SCAI: variants seen among roughly 807,000 people sequenced by gnomAD.
SCAI encodes the protein suppressor of cancer cell invasion, also known as protein SCAI.
SCAI carries 24 observed loss-of-function variants against 92.2 expected under a neutral mutation model. That is an observed-to-expected ratio of 0.26 (90% CI 0.19 to 0.37). The LOEUF is 0.37. Among genes scored for constraint, SCAI ranks in the 10% least tolerant of loss-of-function variants. The pLI is 1.00. For missense variants in SCAI, 450 were observed against 736.2 expected, an observed-to-expected ratio of 0.61 and a Z score of 4.50; for synonymous variants, 261 against 258.6, an observed-to-expected ratio of 1.01 and a Z score of -0.09.
intron 17 of SCAI, among the ~76,000 whole-genome samples, chr9:124,960,858 G>A (rs1831421870): frequency 6.6e-6 from 1 of 152,168 alleles, no homozygotes. Context: ...AGTGGCTCAT[G>A]CCTATTACCC....
Position 124,976,160 on chromosome 9 carries a change from T to C in SCAI, c.1353A>G (p.Pro451=), listed in dbSNP as rs182718956. ...CTGTAGGAGAAAGCAAGCAGACTAG[T>C]GGCTGTCCAAACAAGTTTGTGAAAT... ...YKNFTNLFGQ[P]LVCLLSPTAY... is the part of the protein sequence containing the mutation. Residue 451 remains proline (P), a synonymous_variant, in exon 15 of 18, where the codon CCA becomes CCG. Transcript: ENST00000336505. The C allele has an allele frequency of 2.3e-4, 373 of 1,612,294 alleles. 3 individuals carry two copies. In the African/African-American group the frequency reaches 4.4e-3, roughly 19 times the overall value.
chr9:124,972,212 T>C (rs1038362981), intron 15 of SCAI, among the ~76,000 whole-genome samples: 2 of 152,158 alleles, frequency 1.3e-5, no homozygotes, highest in Non-Finnish European at 2.9e-5. Context: ...TTGCTCTCTA[T>C]GAGCTGCTCT....
At chr9:125,030,641 CT>C (rs1833056563) in intron 3 of SCAI, among the ~76,000 whole-genome samples, 1 of 152,152 alleles carries the variant, frequency 6.6e-6, no homozygotes, top group African/African-American at 2.4e-5. Flanking sequence ...TAGCAAGTAA[CT>C]GTTACTGAAG....
At chr9:124,996,834 T>C (rs1191652758) in intron 13 of SCAI, among the ~76,000 whole-genome samples, 1 of 152,042 alleles carries the variant, frequency 6.6e-6, no homozygotes, top group Non-Finnish European at 1.5e-5. Flanking sequence ...TTTCACCATG[T>C]TGCCAGGCTG....
chr9:125,010,555 C>T (rs1459641936), intron 9 of SCAI, among the ~76,000 whole-genome samples: 4 of 152,242 alleles, frequency 2.6e-5, no homozygotes, highest in East Asian at 1.9e-4. Flanking sequence ...GAGCCTACCA[C>T]GGCTCAAGGA....
intron 2 of SCAI, among the ~76,000 whole-genome samples, chr9:125,066,617 G>A (rs534335788): frequency 1.3e-5 from 2 of 151,956 alleles, no homozygotes; most frequent in South Asian, 4.2e-4. Flanking sequence ...CACCGCGCCC[G>A]GCTAATTTTT....
rs551342680 is a variant in SCAI at position 125,021,713 on chromosome 9, A to T, written c.513-944T>A. On this transcript the variant is annotated intron_variant, in intron 6 of 17. Transcript: ENST00000336505. Reference sequence around the variant, plus strand: ...CAACATTTTCCATAATAAAATTTTTAAAAAATTCTTTCGACCCATGAGTTA... The same window carrying T: ...CAACATTTTCCATAATAAAATTTTTTAAAAATTCTTTCGACCCATGAGTTA... Among the ~76,000 whole-genome samples, 19 of 152,284 alleles carry T rather than the reference A, an allele frequency of 1.2e-4. No individual in the cohort carries two copies. In the South Asian group the frequency reaches 2.5e-3, roughly 20 times the overall value.
intron 15 of SCAI, chr9:124,975,385 C>T: frequency 2.2e-6 from 1 of 456,572 alleles, no homozygotes; most frequent in Non-Finnish European, 4.4e-6. Context: ...AGAGAGACAT[C>T]AGCACTATTC....
intron 2 of SCAI, among the ~76,000 whole-genome samples, chr9:125,135,253 T>C (rs1835496961): frequency 6.6e-6 from 1 of 152,246 alleles, no homozygotes; most frequent in Non-Finnish European, 1.5e-5. Flanking sequence ...TTTCTTAAAC[T>C]GTCTTACAGT....
chr9:125,104,957 C>CA (rs201424630), intron 2 of SCAI, among the ~76,000 whole-genome samples: 7,028 of 95,680 alleles, frequency 0.073, 529 homozygotes, highest in African/African-American at 0.22. Context: ...GACCCTGTCT[C>CA]AAAAAAAAAA....
intron 14 of SCAI, among the ~76,000 whole-genome samples, chr9:124,984,467 A>G (rs1447017414): frequency 2.0e-5 from 3 of 152,212 alleles, no homozygotes; most frequent in Non-Finnish European, 4.4e-5. Flanking sequence ...ATTCAGGTGA[A>G]TGATGATGGT....
intron 9 of SCAI, among the ~76,000 whole-genome samples, chr9:125,015,193 A>C (rs1265157583): frequency 6.6e-6 from 1 of 152,232 alleles, no homozygotes; most frequent in Non-Finnish European, 1.5e-5. Context: ...GGATCTAATT[A>C]AACTAAAGAG....
At chr9:125,045,948 C>A (rs538245290) in intron 3 of SCAI, among the ~76,000 whole-genome samples, 1 of 151,760 alleles carries the variant, frequency 6.6e-6, no homozygotes, top group Non-Finnish European at 1.5e-5. Context: ...CACTTTTACA[C>A]TGCTGGTGGG....
intron 2 of SCAI, among the ~76,000 whole-genome samples, chr9:125,101,150 A>C (rs1368978985): frequency 6.6e-6 from 1 of 152,214 alleles, no homozygotes; most frequent in Non-Finnish European, 1.5e-5. Flanking sequence ...GACATACTGA[A>C]GAACCAGTTC....
At chr9:125,139,521 T>A (rs933133339) in intron 2 of SCAI, among the ~76,000 whole-genome samples, 99 of 152,328 alleles carry the variant, frequency 6.5e-4, no homozygotes, top group Non-Finnish European at 9.1e-4. Flanking sequence ...CATTCAGCAA[T>A]TAATTCATCT....
At position 125,046,196 on chromosome 9, in the gene SCAI, G is replaced by GATAGAT. The variant is rs1554784575; in HGVS notation, c.230+9679_230+9680insATCTAT. On this transcript the variant is annotated intron_variant, in intron 3 of 17. Coordinates refer to ENST00000336505, the MANE Select transcript of SCAI (RefSeq NM_001144877.3). ...CAACAAGTGAATAAAGAAATTGTGA[G>GATAGAT]ATATATATATATATATATATATATA... Among the ~76,000 whole-genome samples, 74 of 51,880 alleles carry GATAGAT rather than the reference G, an allele frequency of 1.4e-3. 5 individuals carry two copies. The highest frequency in any genetic ancestry group is 8.2e-3 in the Admixed American group (36 of 4,404). 34.0% of individuals were successfully genotyped at this position (51,880 alleles called of 152,430 possible).
At chr9:124,994,263 G>C (rs1832193607) in intron 14 of SCAI, among the ~76,000 whole-genome samples, 1 of 152,124 alleles carries the variant, frequency 6.6e-6, no homozygotes, top group Non-Finnish European at 1.5e-5. Flanking sequence ...TCGAACTCCT[G>C]ACCTCAGGTA....
intron 14 of SCAI, among the ~76,000 whole-genome samples, chr9:124,992,154 G>A (rs1389173211): frequency 6.6e-6 from 1 of 152,150 alleles, no homozygotes; most frequent in Non-Finnish European, 1.5e-5. Context: ...GCTGGTTCAA[G>A]TGATCCTCTT....
chr9:125,106,096 C>CAAAAA (rs1168643448), intron 2 of SCAI, among the ~76,000 whole-genome samples: 4 of 18,782 alleles, frequency 2.1e-4, no homozygotes, highest in African/African-American at 6.6e-4. Context: ...GACTCCATCT[C>CAAAAA]AAAAAAAAAA....
Sources: allele counts gnomAD v4.1 joint callset (sites outside exome capture counted in the v4.1 genomes callset), GRCh38; gene constraint gnomAD v4.1.1; transcripts MANE v1.5; gene names NCBI Gene and HGNC (gene_info 2026-07-23, HGNC 2026-07-21).